Variants in NLRC5 observed in about 807,000 individuals in gnomAD.
NLRC5 encodes the protein protein NLRC5.
Under a neutral mutation model 206.9 loss-of-function variants are expected in NLRC5, and 114 were observed. That is an observed-to-expected ratio of 0.55 (90% CI 0.47 to 0.64). NLRC5 has a LOEUF of 0.64. Among genes scored for constraint, NLRC5 ranks in the 30% least tolerant of loss-of-function variants. The pLI, the probability that NLRC5 is intolerant of heterozygous loss-of-function variation, is 0.00. For missense variants in NLRC5, 2,008 were observed against 2,305.5 expected, an observed-to-expected ratio of 0.87 and a Z score of 2.64; for synonymous variants, 952 against 962.8, an observed-to-expected ratio of 0.99 and a Z score of 0.21.
At chr16:57,055,558 C>A in intron 27 of NLRC5, 39 bp downstream of exon 27, 1 of 1,550,012 alleles carries the variant, frequency 6.5e-7, no homozygotes. Context: ...GGAGCATGGA[C>A]GCATGCCTGA....
At chr16:57,018,028 G>A (rs548623711) in intron 2 of NLRC5, among the ~76,000 whole-genome samples, 1 of 152,212 alleles carries the variant, frequency 6.6e-6, no homozygotes, top group East Asian at 1.9e-4. Flanking sequence ...ATCCTAAGGG[G>A]ATAGAACACT....
intron 29 of NLRC5, 151 bp downstream of exon 29, chr16:57,059,212 C>G: frequency 6.6e-7 from 1 of 1,524,498 alleles, no homozygotes; most frequent in South Asian, 1.3e-5. Context: ...TCAGGGTTTC[C>G]TGGGCATGGG....
At chr16:57,013,893 C>T (rs1265067395) in intron 1 of NLRC5, 2 of 568,492 alleles carry the variant, frequency 3.5e-6, no homozygotes, top group African/African-American at 1.9e-5. Flanking sequence ...ATATCATATG[C>T]AGATTCTACA....
intron 1 of NLRC5, among the ~76,000 whole-genome samples, chr16:57,003,107 T>C (rs780085707): frequency 9.2e-4 from 140 of 152,230 alleles, no homozygotes; most frequent in Admixed American, 1.9e-3. Context: ...TCGCCCAGAC[T>C]GGAGTGCAGT....
In NLRC5 at chr16:57,082,665, G is replaced by C; in HGVS notation, c.*137G>C. The C allele has an allele frequency of 4.8e-6, 3 of 627,316 alleles. No individual in the cohort carries two copies. Among genetic ancestry groups the C allele is most frequent in the Non-Finnish European group, 5.5e-6 (2 of 363,720 alleles). The allele number at this position is 627,316 out of a possible 1,614,324, so 38.9% of individuals were successfully genotyped here. ...ACTCCACCCAGGAGGAAGGATACGTGTGTCCTGCTGCAGTCCTCAGGGAGA... is the reference window on the plus strand; with the variant it reads ...ACTCCACCCAGGAGGAAGGATACGTCTGTCCTGCTGCAGTCCTCAGGGAGA... On this transcript the variant is annotated 3_prime_UTR_variant, in exon 49 of 49. Coordinates refer to ENST00000688547, the MANE Select transcript of NLRC5 (RefSeq NM_001384950.1).
At chr16:57,000,270 G>A (rs978905338) in intron 1 of NLRC5, among the ~76,000 whole-genome samples, 1 of 152,180 alleles carries the variant, frequency 6.6e-6, no homozygotes, top group African/African-American at 2.4e-5. Context: ...TGGCAGTAGG[G>A]CACCCCAGTC....
At chr16:57,002,794 G>A (rs1292230710) in intron 1 of NLRC5, among the ~76,000 whole-genome samples, 2 of 151,752 alleles carry the variant, frequency 1.3e-5, no homozygotes, top group Non-Finnish European at 2.9e-5. Context: ...GGCATGGGGC[G>A]CCACTACGCC....
intron 1 of NLRC5, among the ~76,000 whole-genome samples, chr16:57,005,498 T>TAA (rs10707313): frequency 6.9e-6 from 1 of 144,522 alleles, no homozygotes. Flanking sequence ...ATCTTAATAT[T>TAA]AAAAAAAAAA....
chr16:56,991,665 C>T (rs1375149223), intron 1 of NLRC5, among the ~76,000 whole-genome samples: 1 of 140,344 alleles, frequency 7.1e-6, no homozygotes, highest in Non-Finnish European at 1.5e-5. Context: ...CGTGAGCCAT[C>T]TTGCCCGGAC....
intron 46 of NLRC5, among the ~76,000 whole-genome samples, chr16:57,080,041 G>C (rs1377951118): frequency 6.6e-6 from 1 of 152,118 alleles, no homozygotes; most frequent in Non-Finnish European, 1.5e-5. Flanking sequence ...CCCCAGACCT[G>C]CTGGCTGGCC....
intron 19 of NLRC5, among the ~76,000 whole-genome samples, chr16:57,042,758 G>T (rs1333248741): frequency 6.6e-6 from 1 of 152,128 alleles, no homozygotes; most frequent in Non-Finnish European, 1.5e-5. Flanking sequence ...GTTCCCAGTC[G>T]GTAAATACAT....
At chr16:57,046,866 A>G (rs1303855640) in intron 22 of NLRC5, among the ~76,000 whole-genome samples, 1 of 152,178 alleles carries the variant, frequency 6.6e-6, no homozygotes, top group Non-Finnish European at 1.5e-5. Flanking sequence ...TTCTCCTTGG[A>G]GAGAAGATTC....
intron 1 of NLRC5, among the ~76,000 whole-genome samples, chr16:56,997,993 C>T (rs1466872430): frequency 3.9e-5 from 6 of 152,038 alleles, no homozygotes; most frequent in African/African-American, 7.2e-5. Context: ...GGGACTTGTC[C>T]GGATGTCAGC....
At position 57,007,054 on chromosome 16, in the gene NLRC5, C is replaced by T. The variant is rs543477379; in HGVS notation, c.-127-10020C>T. ...GTTTTTAATGTAAATGTTCTTGTGG[C>T]TTTTTTAGAAAAAATCAAAATGTGC... On this transcript the variant is annotated intron_variant, in intron 1 of 48. Coordinates refer to ENST00000688547, the MANE Select transcript of NLRC5 (RefSeq NM_001384950.1). Among the ~76,000 whole-genome samples, 163 of 152,112 alleles carry T rather than the reference C, an allele frequency of 1.1e-3. 6 individuals are homozygous for T. In the South Asian group the frequency reaches 0.033, roughly 31 times the overall value.
rs2061469399 is a variant in NLRC5, at chr16:57,028,439, TC to T, written c.2243+57del. 3 of 1,376,350 alleles carry T rather than the reference TC, an allele frequency of 2.2e-6. No homozygotes were observed. In the Admixed American group the frequency reaches 5.0e-5, roughly 23 times the overall value. 85.3% of individuals were successfully genotyped at this position (1,376,350 alleles called of 1,614,324 possible). On this transcript the variant is annotated intron_variant, in intron 8 of 48. Transcript: ENST00000688547. ...CTGGGGAGATGAGCCACTGCCCAGG[TC>T]CCAGAGTCCCCCTGGGGCCTGCATG...
intron 4 of NLRC5, among the ~76,000 whole-genome samples, chr16:57,023,392 C>T (rs2060888383): frequency 2.0e-5 from 3 of 152,170 alleles, no homozygotes; most frequent in South Asian, 4.1e-4. Flanking sequence ...AGGTTGCAGG[C>T]CTGGCCAAAC....
At chr16:57,024,612 A>G (rs2061063041) in intron 5 of NLRC5, among the ~76,000 whole-genome samples, 1 of 152,224 alleles carries the variant, frequency 6.6e-6, no homozygotes, top group Non-Finnish European at 1.5e-5. Context: ...GGTAATGCCT[A>G]GGCCTACAGG....
chr16:57,015,125 C>A (rs1389931871), intron 1 of NLRC5, among the ~76,000 whole-genome samples: 1 of 152,088 alleles, frequency 6.6e-6, no homozygotes, highest in Non-Finnish European at 1.5e-5. Flanking sequence ...GATGGGGTTT[C>A]ATCATGTTGG....
chr16:57,039,622 TG>T (rs1448759469), intron 15 of NLRC5, among the ~76,000 whole-genome samples, 158 bp from the exon 16 acceptor site: 2 of 151,764 alleles, frequency 1.3e-5, no homozygotes, highest in Non-Finnish European at 2.9e-5. Context: ...GAGGCTGAAG[TG>T]GGAGGATTGC....
Sources: gnomAD v4.1 joint callset for allele counts (sites outside exome capture counted in the v4.1 genomes callset) on GRCh38, gnomAD v4.1.1 for gene constraint, MANE v1.5 for transcripts, NCBI Gene and HGNC (gene_info 2026-07-23, HGNC 2026-07-21) for gene names.